NIPBL: variants seen among roughly 807,000 people sequenced by gnomAD.
The protein encoded by NIPBL is nipped-B-like protein.
In NIPBL, 19 loss-of-function variants were observed where a neutral mutation model predicts 321.8. The ratio of observed to expected loss-of-function variants is 0.06; its 90% CI spans 0.04 to 0.09. The LOEUF is 0.09. Among genes scored for constraint, NIPBL ranks in the 10% least tolerant of loss-of-function variants. NIPBL has a pLI of 1.00. For synonymous variants in NIPBL, 1,106 were observed against 1,114.1 expected (o/e 0.99, Z 0.14); for missense variants, 2,210 against 3,327.0 (o/e 0.66, Z 8.26).
At chr5:36,952,053 T>TGCGCGCGCGCGC (rs1554010277) in intron 1 of NIPBL, among the ~76,000 whole-genome samples, 1 of 112,114 alleles carries the variant, frequency 8.9e-6, no homozygotes, top group Non-Finnish European at 1.9e-5. Context: ...TGTGTGTGTG[T>TGCGCGCGCGCGC]GCGCGCGCGC....
intron 21 of NIPBL, among the ~76,000 whole-genome samples, chr5:37,014,044 A>T (rs1219523330): frequency 6.6e-6 from 1 of 152,200 alleles, no homozygotes; most frequent in South Asian, 2.1e-4. Flanking sequence ...CGTCTCCACC[A>T]AAAAAATACG....
intron 6 of NIPBL, among the ~76,000 whole-genome samples, chr5:36,967,562 G>A (rs1242755710): frequency 6.6e-6 from 1 of 152,080 alleles, no homozygotes; most frequent in Non-Finnish European, 1.5e-5. Context: ...ACCAAAATCA[G>A]GTGAAGTGAG....
chr5:36,897,246 C>T (rs1388055316), intron 1 of NIPBL, among the ~76,000 whole-genome samples: 2 of 152,108 alleles, frequency 1.3e-5, no homozygotes, highest in Non-Finnish European at 2.9e-5. Context: ...TCGTGATCCA[C>T]CTGCTTTAGC....
intron 42 of NIPBL, 68 bp from the exon 43 acceptor site, chr5:37,057,116 TAA>T (rs891445794): frequency 1.3e-6 from 2 of 1,560,594 alleles, no homozygotes; most frequent in Non-Finnish European, 1.7e-6. Flanking sequence ...GTATTTTTTC[TAA>T]AAAAGGTTTT....
chr5:36,958,455 G>A (rs755434390), intron 4 of NIPBL, among the ~76,000 whole-genome samples: 9 of 151,986 alleles, frequency 5.9e-5, no homozygotes, highest in Non-Finnish European at 1.0e-4. Context: ...TAAATATGTT[G>A]GAATATATCA....
chr5:36,993,434 G>T (rs934466072), intron 10 of NIPBL, among the ~76,000 whole-genome samples: 1 of 152,122 alleles, frequency 6.6e-6, no homozygotes, highest in Non-Finnish European at 1.5e-5. Context: ...TGGATATAAG[G>T]CATAGGTTAT....
intron 1 of NIPBL, chr5:36,885,948 T>C (rs1338154565): frequency 5.4e-6 from 4 of 735,588 alleles, no homozygotes; most frequent in African/African-American, 1.7e-5. Context: ...GCCAAGATCA[T>C]GGCAGACATA....
chr5:37,027,294 C>T (rs1750395159), intron 31 of NIPBL, 65 bp from the exon 32 acceptor site: 2 of 1,239,712 alleles, frequency 1.6e-6, no homozygotes, highest in East Asian at 4.7e-5. Flanking sequence ...TAAAGCATAA[C>T]AAAAGTATAT....
intron 26 of NIPBL, 28 bp downstream of exon 26, chr5:37,020,701 ATTTATCTCCTTGATATCTATT>A: frequency 1.9e-6 from 3 of 1,597,780 alleles, no homozygotes; most frequent in Non-Finnish European, 2.6e-6. Context: ...AACAGTTTAC[ATTTATCTCCTTGATATCTATT>A]TCCCTAAGTT....
At chr5:36,975,015 A>G (rs957303959) in intron 8 of NIPBL, among the ~76,000 whole-genome samples, 27 of 152,152 alleles carry the variant, frequency 1.8e-4, no homozygotes, top group African/African-American at 6.0e-4. Flanking sequence ...TAATTTTTCC[A>G]TCTGATTATT....
chr5:36,910,721 A>G (rs1291212707), intron 1 of NIPBL, among the ~76,000 whole-genome samples: 1 of 152,164 alleles, frequency 6.6e-6, no homozygotes, highest in Non-Finnish European at 1.5e-5. Flanking sequence ...GTAAAGGTAA[A>G]GGGAGATATA....
chr5:36,895,353 A>G (rs1262887313), intron 1 of NIPBL, among the ~76,000 whole-genome samples: 1 of 152,150 alleles, frequency 6.6e-6, no homozygotes, highest in East Asian at 1.9e-4. Context: ...ACCACATTTT[A>G]CTTTTGCTTT....
At chr5:36,991,183 T>C (rs1044249196) in intron 10 of NIPBL, among the ~76,000 whole-genome samples, 6 of 152,046 alleles carry the variant, frequency 3.9e-5, no homozygotes, top group African/African-American at 1.4e-4. Context: ...TTTAAACTTA[T>C]TACAAATTAT....
At chr5:36,934,418 A>G (rs1750004192) in intron 1 of NIPBL, among the ~76,000 whole-genome samples, 1 of 152,106 alleles carries the variant, frequency 6.6e-6, no homozygotes, top group African/African-American at 2.4e-5. Flanking sequence ...TAGGTAGAGG[A>G]TGGTTTCCAG....
At chr5:37,014,806 GT>G (rs755809067) in intron 22 of NIPBL, 41 bp downstream of exon 22, 2 of 1,163,032 alleles carry the variant, frequency 1.7e-6, no homozygotes, top group South Asian at 2.4e-5. Context: ...CTTTTCCACA[GT>G]ATAGAGAATA....
chr5:36,936,143 G>A (rs1376297654), intron 1 of NIPBL, among the ~76,000 whole-genome samples: 1 of 152,070 alleles, frequency 6.6e-6, no homozygotes, highest in Admixed American at 6.6e-5. Context: ...AAATTTTTCT[G>A]TGTGATTATG....
intron 4 of NIPBL, among the ~76,000 whole-genome samples, chr5:36,959,071 A>G (rs899836605): frequency 6.6e-6 from 1 of 152,070 alleles, no homozygotes; most frequent in Non-Finnish European, 1.5e-5. Flanking sequence ...GCCAGGCATT[A>G]TGGTGTGCGC....
intron 10 of NIPBL, among the ~76,000 whole-genome samples, chr5:36,987,976 A>G (rs1745033673): frequency 2.0e-5 from 3 of 152,250 alleles, no homozygotes; most frequent in Non-Finnish European, 4.4e-5. Flanking sequence ...TGGCTATACA[A>G]TTTTAGAAGA....
At chr5:36,944,124 G>A (rs974646251) in intron 1 of NIPBL, among the ~76,000 whole-genome samples, 8 of 151,986 alleles carry the variant, frequency 5.3e-5, no homozygotes, top group African/African-American at 9.7e-5. Flanking sequence ...AAATGGTGGG[G>A]TTTTTTTGTG....
Sources: allele counts gnomAD v4.1 joint callset (sites outside exome capture counted in the v4.1 genomes callset), GRCh38; gene constraint gnomAD v4.1.1; transcripts MANE v1.5; gene names NCBI Gene and HGNC (gene_info 2026-07-23, HGNC 2026-07-21).